Variants in GCA observed in about 807,000 individuals in gnomAD.
GCA encodes grancalcin, EF-hand calcium-binding protein.
GCA carries 30 observed loss-of-function variants against 32.6 expected under a neutral mutation model. The observed-to-expected ratio is 0.92, with a 90% CI of 0.69 to 1.25. GCA has a LOEUF of 1.25. Ranked by LOEUF, GCA falls within the 50% of genes most tolerant of loss-of-function variation. GCA has a pLI of 0.00. For synonymous variants in GCA, 102 were observed against 84.6 expected (o/e 1.21, Z -1.13); for missense variants, 291 against 266.8 (o/e 1.09, Z -0.63).
At chr2:162,333,012 C>T (rs532002390) in intron 1 of GCA, among the ~76,000 whole-genome samples, 26 of 152,086 alleles carry the variant, frequency 1.7e-4, no homozygotes, top group Middle Eastern at 3.4e-3. Context: ...CAAAACATGA[C>T]GTACAAAGAA....
At chr2:162,331,630 C>T (rs1216416713) in intron 1 of GCA, among the ~76,000 whole-genome samples, 1 of 152,194 alleles carries the variant, frequency 6.6e-6, no homozygotes, top group Non-Finnish European at 1.5e-5. Context: ...GAAGCAGAGG[C>T]TGGGGACCTC....
intron 4 of GCA, among the ~76,000 whole-genome samples, chr2:162,369,963 G>A (rs1685873186): frequency 6.6e-6 from 1 of 152,120 alleles, no homozygotes; most frequent in African/African-American, 2.4e-5. Flanking sequence ...TGTTGGAATT[G>A]ACTGGTCATT....
At chr2:162,333,130 AAC>A (rs978785640) in intron 1 of GCA, among the ~76,000 whole-genome samples, 1 of 152,044 alleles carries the variant, frequency 6.6e-6, no homozygotes, top group African/African-American at 2.4e-5. Flanking sequence ...TGCCTTTACC[AAC>A]AGTTTTTCAT....
upstream of GCA, among the ~76,000 whole-genome samples, chr2:162,342,690 C>T (rs1684491047): frequency 6.6e-6 from 1 of 152,150 alleles, no homozygotes; most frequent in African/African-American, 2.4e-5. Flanking sequence ...ATCAATAAGG[C>T]TATTTTGATG....
chr2:162,322,111 T>A (rs1023859906), intron 1 of GCA, among the ~76,000 whole-genome samples: 1 of 150,178 alleles, frequency 6.7e-6, no homozygotes, highest in Non-Finnish European at 1.5e-5. Flanking sequence ...AAAAAAATTA[T>A]GGCTAAGTTC....
Position 162,362,387 on chromosome 2 carries a change from T to A in GCA, c.*2144T>A, listed in dbSNP as rs924400945. ...AGGCCTAGAGAATATTTTACCAGAA[T>A]TTTTATACTGAAATACAGTTCACTT... On this transcript the variant is annotated 3_prime_UTR_variant, in exon 8 of 8. Coordinates refer to ENST00000437150, the MANE Select transcript of GCA (RefSeq NM_012198.5). 1.0e-6 allele frequency: 1 copy of A among 978,464 alleles called. No individual in the cohort carries two copies. Among genetic ancestry groups the A allele is most frequent in the Non-Finnish European group, 1.2e-6 (1 of 823,878 alleles). 60.6% of individuals were successfully genotyped at this position (978,464 alleles called of 1,614,324 possible).
Position 162,361,267 on chromosome 2 carries a change from G to T in GCA, c.*1024G>T. 1.0e-6 allele frequency: 1 copy of T among 984,460 alleles called. No individual in the cohort carries two copies. The highest frequency in any genetic ancestry group is 1.2e-6 in the Non-Finnish European group (1 of 829,314). The allele number at this position is 984,460 out of a possible 1,614,324, so 61.0% of individuals were successfully genotyped here. ...AGGCACCACAGCAACTTTTCTGCGT[G>T]GTACTAAAACTGCCGAAAATGCGAC... On this transcript the variant is annotated 3_prime_UTR_variant, in exon 8 of 8. Transcript: ENST00000437150.
At chr2:162,335,512 G>T (rs1194678143) in intron 1 of GCA, among the ~76,000 whole-genome samples, 3 of 152,108 alleles carry the variant, frequency 2.0e-5, no homozygotes, top group African/African-American at 7.2e-5. Context: ...GTTGGGAGGG[G>T]GCATCCCTCT....
downstream of GCA, chr2:162,371,870 G>GC (rs1247314761): frequency 6.2e-7 from 1 of 1,613,012 alleles, no homozygotes; most frequent in Non-Finnish European, 8.5e-7. Flanking sequence ...TGCCTATGAA[G>GC]ACCCACGATT....
intron 1 of GCA, among the ~76,000 whole-genome samples, chr2:162,333,705 T>C (rs910222915): frequency 6.6e-6 from 1 of 152,160 alleles, no homozygotes; most frequent in African/African-American, 2.4e-5. Context: ...ATTTATGATT[T>C]TTAATAGAGA....
At chr2:162,331,937 T>C (rs1033997959) in intron 1 of GCA, among the ~76,000 whole-genome samples, 1 of 152,186 alleles carries the variant, frequency 6.6e-6, no homozygotes, top group South Asian at 2.1e-4. Flanking sequence ...GTCTGGAACA[T>C]TCATCTGCTA....
At chr2:162,322,277 A>C (rs1683699492) in intron 1 of GCA, among the ~76,000 whole-genome samples, 1 of 151,674 alleles carries the variant, frequency 6.6e-6, no homozygotes, top group Non-Finnish European at 1.5e-5. Context: ...TCATTTTTCA[A>C]GTACTCCTTC....
chr2:162,319,027 G>A (rs760117943), upstream of GCA: 12 of 397,740 alleles, frequency 3.0e-5, no homozygotes, highest in East Asian at 3.6e-4. Flanking sequence ...AGACCCGGAC[G>A]TGAACAGGGA....
At chr2:162,332,300 C>A (rs1218452775) in intron 1 of GCA, among the ~76,000 whole-genome samples, 3 of 107,566 alleles carry the variant, frequency 2.8e-5, no homozygotes, top group African/African-American at 1.0e-4. Flanking sequence ...CAGAGCAAGA[C>A]TCCATCTCAA....
chr2:162,342,985 T>C (rs759461904), upstream of GCA, among the ~76,000 whole-genome samples: 13 of 152,244 alleles, frequency 8.5e-5, no homozygotes, highest in Non-Finnish European at 1.5e-4. Flanking sequence ...TACAGACACT[T>C]TCCCAAGAGT....
chr2:162,345,278 G>T (rs1320616189), intron 1 of GCA, among the ~76,000 whole-genome samples: 1 of 152,124 alleles, frequency 6.6e-6, no homozygotes. Flanking sequence ...TAATGCCTAT[G>T]CCTCCTCAGT....
At chr2:162,370,787 T>C (rs1044492577) in intron 4 of GCA, among the ~76,000 whole-genome samples, 2 of 152,054 alleles carry the variant, frequency 1.3e-5, no homozygotes, top group Non-Finnish European at 2.9e-5. Flanking sequence ...TTTTTTGAGA[T>C]AGGGTCTTAC....
Position 162,359,050 on chromosome 2 carries a change from G to T in GCA, c.461G>T (p.Arg154Met). 1 of 1,509,888 alleles carries T rather than the reference G, an allele frequency of 6.6e-7. No individual in the cohort carries two copies. The highest frequency in any genetic ancestry group is 1.1e-5 in the South Asian group (1 of 87,714). 93.5% of individuals were successfully genotyped at this position (1,509,888 alleles called of 1,614,324 possible). ...TAATTTATCTCTTTTTTAGGTTATA[G>T]GTTGAGTCCTCAAACATTAACTACT... ...LRQAIGLMGY[R>M]LSPQTLTTIV... The change falls in exon 6 of 8, where the codon AGG (arginine) becomes ATG (methionine). Residue 154 changes from arginine to methionine, a missense_variant. Transcript: ENST00000437150.
In GCA at chr2:162,352,339, A is replaced by G. The variant is rs1309960649; in HGVS notation, c.194A>G (p.Asp65Gly). Reference sequence around the variant, plus strand: ...TAGGTCATAATTATTTTTAAACAGGATGGTGAAGTGGATGCTGAAGAACTT... The same window carrying G: ...TAGGTCATAATTATTTTTAAACAGGGTGGTGAAGTGGATGCTGAAGAACTT... ...YTYFSAVAGQ[D>G]GEVDAEELQR... Residue 65 changes from aspartate to glycine, a missense_variant and splice_region_variant, in exon 3 of 8, where the codon GAT (aspartate) becomes GGT (glycine). Coordinates refer to ENST00000437150, the MANE Select transcript of GCA (RefSeq NM_012198.5). 1 of 1,552,696 alleles carries G rather than the reference A, an allele frequency of 6.4e-7. No individual in the cohort carries two copies. Among genetic ancestry groups the G allele is most frequent in the South Asian group, 1.1e-5 (1 of 89,814 alleles).
Sources: allele counts gnomAD v4.1 joint callset (sites outside exome capture counted in the v4.1 genomes callset), GRCh38; gene constraint gnomAD v4.1.1; transcripts MANE v1.5; gene names NCBI Gene and HGNC (gene_info 2026-07-23, HGNC 2026-07-21).